USP3: variants seen among roughly 807,000 people sequenced by gnomAD.
USP3 encodes ubiquitin specific peptidase 3.
USP3 carries 20 observed loss-of-function variants against 72.3 expected under a neutral mutation model. The observed-to-expected ratio is 0.28, with a 90% CI of 0.19 to 0.40. The LOEUF (loss-of-function observed/expected upper bound fraction) is 0.40. USP3 is among the 10% of genes least tolerant of loss of function. The pLI is 1.00. For missense variants in USP3, 479 were observed against 633.9 expected, an observed-to-expected ratio of 0.76 and a Z score of 2.62; for synonymous variants, 222 against 225.3, an observed-to-expected ratio of 0.99 and a Z score of 0.13.
Position 63,553,593 on chromosome 15 carries a change from C to A in USP3, c.285-122C>A. ...AATTCCAGGTCCTCTTTAAACTTAC[C>A]ACCAGCAGTAACTGCCTGCAGAGCC... On this transcript the variant is annotated intron_variant, in intron 3 of 14. Coordinates refer to ENST00000380324, the MANE Select transcript of USP3 (RefSeq NM_006537.4). The surrounding 1 kb of genome is among the most constrained non-coding windows in gnomAD (Gnocchi z 4.2). 1.3e-6 allele frequency: 1 copy of A among 748,018 alleles called. No individual in the cohort carries two copies. Among genetic ancestry groups the A allele is most frequent in the Non-Finnish European group, 2.0e-6 (1 of 510,116 alleles). 46.3% of individuals were successfully genotyped at this position (748,018 alleles called of 1,614,324 possible).
chr15:63,565,779 A>G (rs191667120), intron 8 of USP3, among the ~76,000 whole-genome samples: 23 of 152,256 alleles, frequency 1.5e-4, no homozygotes, highest in Non-Finnish European at 2.8e-4. Context: ...GTCCCCTCCC[A>G]GTGGCTTTAT....
intron 11 of USP3, among the ~76,000 whole-genome samples, chr15:63,578,536 C>G (rs936909022): frequency 6.7e-6 from 1 of 149,374 alleles, no homozygotes; most frequent in Non-Finnish European, 1.5e-5. Flanking sequence ...GGTGTGAACC[C>G]GGGAGGCAGA....
At chr15:63,516,545 TA>T (rs1263594337) in intron 1 of USP3, among the ~76,000 whole-genome samples, 3 of 152,158 alleles carry the variant, frequency 2.0e-5, no homozygotes, top group Non-Finnish European at 2.9e-5. Flanking sequence ...ATTTTTATTT[TA>T]CCTTTATACT....
chr15:63,568,211 G>A lies in USP3; in HGVS notation c.762-2222G>A, dbSNP rs1412453079. Among the ~76,000 whole-genome samples, 3 of 152,072 alleles carry A rather than the reference G, an allele frequency of 2.0e-5. 1 individual carries two copies. Among genetic ancestry groups the A allele is most frequent in the South Asian group, 4.1e-4 (2 of 4,820 alleles). ...TACCAAAAATACAAAAATTAGCTGG[G>A]CGTGGTGGCACGTGCCTGTAATCCC... On this transcript the variant is annotated intron_variant, in intron 8 of 14. Coordinates refer to ENST00000380324, the MANE Select transcript of USP3 (RefSeq NM_006537.4).
chr15:63,512,047 C>T (rs12913653), intron 1 of USP3, among the ~76,000 whole-genome samples: 1 of 149,618 alleles, frequency 6.7e-6, no homozygotes, highest in Non-Finnish European at 1.5e-5. Flanking sequence ...ACCTCCGCCT[C>T]TCGGGCTCAA....
At chr15:63,555,723 G>C (rs1012026079) in intron 4 of USP3, among the ~76,000 whole-genome samples, 1 of 152,198 alleles carries the variant, frequency 6.6e-6, no homozygotes, top group Non-Finnish European at 1.5e-5. Flanking sequence ...GAACACTATA[G>C]AGTATGGAAT....
intron 14 of USP3, 84 bp downstream of exon 14, chr15:63,589,095 T>G: frequency 1.3e-6 from 2 of 1,485,696 alleles, no homozygotes; most frequent in Non-Finnish European, 1.9e-6. Flanking sequence ...CTCTTGCTAG[T>G]TCTTCCTAAA....
At chr15:63,512,391 CTTTCTTCCTTCTTCTTCT>C (rs1453067915) in intron 1 of USP3, among the ~76,000 whole-genome samples, 4 of 146,508 alleles carry the variant, frequency 2.7e-5, no homozygotes, top group African/African-American at 1.0e-4. Context: ...TCTTTTTCTT[CTTTCTTCCTTCTTCTTCT>C]TTCTTCTTTC....
At chr15:63,547,792 GAGAGAGAGGCAT>G (rs1201224446) in intron 3 of USP3, among the ~76,000 whole-genome samples, 1 of 106,534 alleles carries the variant, frequency 9.4e-6, no homozygotes, top group African/African-American at 3.7e-5. Context: ...GAGAGAGAGA[GAGAGAGAGGCAT>G]AGAGAGAGGC....
Position 63,532,447 on chromosome 15 carries a change from G to C in USP3, c.92-200G>C. The C allele has an allele frequency of 2.9e-5, 18 of 628,186 alleles. No homozygotes were observed. In the South Asian group the frequency reaches 3.2e-4, roughly 11 times the overall value. The allele number at this position is 628,186 out of a possible 1,614,324, so 38.9% of individuals were successfully genotyped here. On this transcript the variant is annotated intron_variant, in intron 1 of 14. Coordinates refer to ENST00000380324, the MANE Select transcript of USP3 (RefSeq NM_006537.4). Reference sequence around the variant, plus strand: ...GAGTCAGCAATTAAAATGAGCCGCTGTTGTGGACATGCATTTAAATTCTTT... The same window carrying C: ...GAGTCAGCAATTAAAATGAGCCGCTCTTGTGGACATGCATTTAAATTCTTT...
chr15:63,514,424 T>A (rs919301356), intron 1 of USP3, among the ~76,000 whole-genome samples: 1 of 152,224 alleles, frequency 6.6e-6, no homozygotes, highest in Non-Finnish European at 1.5e-5. Flanking sequence ...TTCTGAAATA[T>A]TGATTATCTA....
intron 1 of USP3, among the ~76,000 whole-genome samples, chr15:63,530,306 C>T (rs2066050736): frequency 7.0e-6 from 1 of 143,250 alleles, no homozygotes; most frequent in African/African-American, 2.5e-5. Flanking sequence ...TTCCTTCCTT[C>T]CTTCATTCCT....
At chr15:63,579,883 A>G (rs1253835608) in intron 11 of USP3, among the ~76,000 whole-genome samples, 4 of 152,206 alleles carry the variant, frequency 2.6e-5, no homozygotes, top group Admixed American at 2.6e-4. Flanking sequence ...AAGATTGGTG[A>G]AAAGGGTAAA....
chr15:63,562,895 G>A lies in USP3; in HGVS notation c.648G>A (p.Val216=). 6.2e-7 allele frequency: 1 copy of A among 1,602,322 alleles called. No individual in the cohort carries two copies. Among genetic ancestry groups the A allele is most frequent in the East Asian group, 2.2e-5 (1 of 44,652 alleles). ...YHTRSQGDNN[V]SLVEEFRKTL... ...GGCACTGTCCTTTCCTCTTTTGCAG[G>A]TCTTTGGTAGAAGAGTTTAGAAAGA... Residue 216 remains valine, a splice_region_variant and synonymous_variant, in exon 8 of 15, where the codon GTG becomes GTA. Transcript: ENST00000380324.
chr15:63,577,107 A>C (rs1444434366), intron 11 of USP3, among the ~76,000 whole-genome samples: 92 of 152,254 alleles, frequency 6.0e-4, no homozygotes, highest in Non-Finnish European at 1.5e-5. Flanking sequence ...TTAACTAAAA[A>C]TACGCATATT....
At chr15:63,523,673 G>T (rs550281240) in intron 1 of USP3, among the ~76,000 whole-genome samples, 1 of 152,324 alleles carries the variant, frequency 6.6e-6, no homozygotes, top group South Asian at 2.1e-4. Flanking sequence ...AATTTTGTGA[G>T]AAAATTGTGA....
intron 1 of USP3, among the ~76,000 whole-genome samples, chr15:63,508,098 T>C (rs2065736754): frequency 1.3e-5 from 2 of 152,162 alleles, no homozygotes; most frequent in Non-Finnish European, 2.9e-5. Flanking sequence ...CACTGCATGC[T>C]TGTGAGAGAA....
chr15:63,546,566 G>C (rs2066331185), intron 3 of USP3, among the ~76,000 whole-genome samples: 1 of 152,106 alleles, frequency 6.6e-6, no homozygotes, highest in Non-Finnish European at 1.5e-5. Context: ...AAGATTTTTA[G>C]AACTTTTAAA....
At chr15:63,559,701 TAATG>T (rs756120078) in intron 6 of USP3, among the ~76,000 whole-genome samples, 152 bp from the exon 7 acceptor site, 3 of 152,206 alleles carry the variant, frequency 2.0e-5, no homozygotes, top group Admixed American at 6.5e-5. Flanking sequence ...GGAAAAATCA[TAATG>T]AAGAATCTGA....
Sources: allele counts gnomAD v4.1 joint callset (sites outside exome capture counted in the v4.1 genomes callset), GRCh38; gene constraint gnomAD v4.1.1; non-coding constraint Gnocchi (gnomAD v3.1); transcripts MANE v1.5; gene names NCBI Gene and HGNC (gene_info 2026-07-23, HGNC 2026-07-21).